PLAC8L1: variants seen among roughly 807,000 people sequenced by gnomAD.
The protein encoded by PLAC8L1 is PLAC8 like 1, also known as PLAC8-like protein 1.
In PLAC8L1, 13 loss-of-function variants were observed where a neutral mutation model predicts 16.3. That is an observed-to-expected ratio of 0.80 (90% CI 0.52 to 1.27). The LOEUF (loss-of-function observed/expected upper bound fraction) is 1.27, where lower values mean the gene tolerates loss of function less well. PLAC8L1 is among the 50% of genes most tolerant of loss of function. PLAC8L1 has a pLI of 0.00. For missense variants in PLAC8L1, 184 were observed against 220.2 expected (o/e 0.84, Z 1.04); for synonymous variants, 78 against 79.3 (o/e 0.98, Z 0.09).
intron 1 of PLAC8L1, among the ~76,000 whole-genome samples, chr5:146,103,451 G>T (rs1346837628): frequency 6.6e-6 from 1 of 151,956 alleles, no homozygotes; most frequent in East Asian, 1.9e-4. Flanking sequence ...GAGCCACTGC[G>T]CCTGGCCTCA....
intron 2 of PLAC8L1, among the ~76,000 whole-genome samples, chr5:146,091,825 A>G (rs1163666590): frequency 6.6e-6 from 1 of 152,174 alleles, no homozygotes; most frequent in Non-Finnish European, 1.5e-5. Context: ...TACAATTAAA[A>G]GAAGGGAAAT....
chr5:146,097,519 CCT>C (rs1476739847), intron 2 of PLAC8L1, among the ~76,000 whole-genome samples: 1 of 152,150 alleles, frequency 6.6e-6, no homozygotes, highest in African/African-American at 2.4e-5. Flanking sequence ...GAAATGTTTT[CCT>C]CTCTCCAAAA....
At chr5:146,085,383 T>C (rs1763491612) in intron 3 of PLAC8L1, 78 bp downstream of exon 3, 2 of 1,468,774 alleles carry the variant, frequency 1.4e-6, no homozygotes, top group Non-Finnish European at 1.8e-6. Flanking sequence ...CCTTCTTTTA[T>C]TTGGAAAATC....
chr5:146,092,457 G>A (rs1298797311), intron 2 of PLAC8L1, among the ~76,000 whole-genome samples: 2 of 151,722 alleles, frequency 1.3e-5, no homozygotes, highest in Non-Finnish European at 2.9e-5. Flanking sequence ...GCAAAGTCTG[G>A]AAACCATATA....
At chr5:146,097,254 G>T (rs956289735) in intron 2 of PLAC8L1, among the ~76,000 whole-genome samples, 1 of 152,148 alleles carries the variant, frequency 6.6e-6, no homozygotes, top group Admixed American at 6.5e-5. Context: ...CTAAGCCCAG[G>T]GGGGAATCAT....
At position 146,104,881 on chromosome 5, in the gene PLAC8L1, A is replaced by C. The variant is rs564352614; in HGVS notation, c.-570T>G. ...TATGGTAGATTGTCACAAGCCTCAAAGCCTTTTCAGAACTTCTAGAAATTC... is the reference window on the plus strand; with the variant it reads ...TATGGTAGATTGTCACAAGCCTCAACGCCTTTTCAGAACTTCTAGAAATTC... On this transcript the variant is annotated 5_prime_UTR_variant, in exon 1 of 4. Coordinates refer to ENST00000311450, the MANE Select transcript of PLAC8L1 (RefSeq NM_001029869.3). The C allele has an allele frequency of 1.6e-4, 25 of 152,482 alleles. 2 individuals carry two copies. The highest frequency in any genetic ancestry group is 1.4e-3 in the Admixed American group (22 of 15,306). 9.4% of individuals were successfully genotyped at this position (152,482 alleles called of 1,614,324 possible).
Position 146,084,585 on chromosome 5 carries a change from C to A in PLAC8L1, c.394-13G>T. ...CACACAGTGTGCCCTAGGGCAAGAC[C>A]AGAATCTGTTCTGTTGTAGTCACAC... is the stretch of plus-strand genomic sequence containing the variant. On this transcript the variant is annotated splice_polypyrimidine_tract_variant and intron_variant, in intron 3 of 3. Coordinates refer to ENST00000311450, the MANE Select transcript of PLAC8L1 (RefSeq NM_001029869.3). 1 of 1,613,004 alleles carries A rather than the reference C, an allele frequency of 6.2e-7. No individual in the cohort carries two copies.
At chr5:146,093,847 C>A (rs960741423) in intron 2 of PLAC8L1, among the ~76,000 whole-genome samples, 1 of 152,162 alleles carries the variant, frequency 6.6e-6, no homozygotes, top group African/African-American at 2.4e-5. Flanking sequence ...GTTCCTAGTA[C>A]ACATCAGTCT....
At chr5:146,088,311 A>G (rs77284470) in intron 2 of PLAC8L1, among the ~76,000 whole-genome samples, 1,860 of 152,182 alleles carry the variant, frequency 0.012, 42 homozygotes, top group African/African-American at 0.043. Context: ...ATTGTCAGTC[A>G]TTTTTATTTT....
chr5:146,098,912 G>A (rs1469246647), intron 1 of PLAC8L1, among the ~76,000 whole-genome samples: 1 of 152,180 alleles, frequency 6.6e-6, no homozygotes, highest in African/African-American at 2.4e-5. Context: ...AATATGTCTT[G>A]ATATCAAATT....
chr5:146,093,509 C>G (rs1580976342), intron 2 of PLAC8L1, among the ~76,000 whole-genome samples: 1 of 152,192 alleles, frequency 6.6e-6, no homozygotes, highest in Admixed American at 6.5e-5. Context: ...GGGGACCAGA[C>G]AAGCTGACTC....
intron 3 of PLAC8L1, among the ~76,000 whole-genome samples, 189 bp from the exon 4 acceptor site, chr5:146,084,761 G>A (rs1042487651): frequency 1.3e-5 from 2 of 152,212 alleles, no homozygotes; most frequent in South Asian, 2.1e-4. Flanking sequence ...CAATGCCTGC[G>A]ATTCAGAGCG....
chr5:146,098,020 G>T (rs1763744196), intron 2 of PLAC8L1, 136 bp downstream of exon 2: 2 of 1,026,466 alleles, frequency 1.9e-6, no homozygotes, highest in Admixed American at 2.8e-5. Context: ...GAGTACATTT[G>T]AGTCACTGAA....
chr5:146,103,379 G>A (rs561752634), intron 1 of PLAC8L1, among the ~76,000 whole-genome samples: 1 of 151,980 alleles, frequency 6.6e-6, no homozygotes, highest in Non-Finnish European at 1.5e-5. Flanking sequence ...GGCTGGTCTC[G>A]AATTCCTGAC....
intron 2 of PLAC8L1, 62 bp downstream of exon 2, chr5:146,098,094 C>T (rs72820451): frequency 0.067 from 102,580 of 1,534,132 alleles, 3,844 homozygotes; most frequent in Non-Finnish European, 0.072. Flanking sequence ...AGGTTTTCCA[C>T]TCACTGATGT....
In PLAC8L1 at chr5:146,084,414, G is replaced by A. The variant is rs531323188; in HGVS notation, c.*18C>T. Reference sequence around the variant, plus strand: ...AGAGGAGGGTGTTGGGGAGTAAGGAGGAGGAGTTATCTTGCTGTCAAACCA... The same window carrying A: ...AGAGGAGGGTGTTGGGGAGTAAGGAAGAGGAGTTATCTTGCTGTCAAACCA... On this transcript the variant is annotated 3_prime_UTR_variant, in exon 4 of 4. Coordinates refer to ENST00000311450, the MANE Select transcript of PLAC8L1 (RefSeq NM_001029869.3). 1 of 1,613,036 alleles carries A rather than the reference G, an allele frequency of 6.2e-7. No individual in the cohort carries two copies. The highest frequency in any genetic ancestry group is 2.2e-5 in the East Asian group (1 of 44,840).
rs1242022483 is a variant in PLAC8L1 at position 146,098,184 on chromosome 5, G to C, written c.228C>G (p.Leu76=). ...TTCTCCTATCTCTGCAGACACTGAAGAGACCGGTGCTCCAGCCCCCGCCAG... is the reference window on the plus strand; with the variant it reads ...TTCTCCTATCTCTGCAGACACTGAACAGACCGGTGCTCCAGCCCCCGCCAG... ...VQTGGGWSTG[L]FSVCRDRRIC... Residue 76 remains leucine (L), a synonymous_variant, in exon 2 of 4, where the codon CTC becomes CTG. Transcript: ENST00000311450. The C allele has an allele frequency of 7.4e-6, 12 of 1,613,962 alleles. No homozygotes were observed. Among genetic ancestry groups the C allele is most frequent in the Admixed American group, 1.7e-5 (1 of 60,008 alleles).
intron 1 of PLAC8L1, chr5:146,099,502 T>C (rs575983364): frequency 1.3e-5 from 2 of 151,976 alleles, no homozygotes; most frequent in Admixed American, 1.3e-4. Context: ...CTACTAAAAA[T>C]ACAAAAATTA....
chr5:146,098,731 G>C (rs1260171585), intron 1 of PLAC8L1, among the ~76,000 whole-genome samples: 2 of 152,138 alleles, frequency 1.3e-5, no homozygotes, highest in Non-Finnish European at 1.5e-5. Flanking sequence ...TTCGTTTACT[G>C]TGCCCAGGGG....
Sources: allele counts gnomAD v4.1 joint callset (sites outside exome capture counted in the v4.1 genomes callset), GRCh38; gene constraint gnomAD v4.1.1; transcripts MANE v1.5; gene names NCBI Gene and HGNC (gene_info 2026-07-23, HGNC 2026-07-21).